The following IGF2BP3 variants were observed in gnomAD, a reference collection of about 807,000 sequenced individuals.
IGF2BP3 encodes the protein insulin-like growth factor 2 mRNA-binding protein 3.
IGF2BP3 carries 9 observed loss-of-function variants against 73.8 expected under a neutral mutation model. The ratio of observed to expected loss-of-function variants is 0.12; its 90% CI spans 0.07 to 0.21. The LOEUF (loss-of-function observed/expected upper bound fraction) is 0.21. Ranked by LOEUF, IGF2BP3 falls within the 10% of genes least tolerant of loss-of-function variation. IGF2BP3 has a pLI of 1.00. For synonymous variants in IGF2BP3, 258 were observed against 256.7 expected (o/e 1.01, Z -0.05); for missense variants, 542 against 714.0 (o/e 0.76, Z 2.75).
chr7:23,464,305 C>G (rs1451874567), intron 2 of IGF2BP3, among the ~76,000 whole-genome samples: 1 of 152,210 alleles, frequency 6.6e-6, no homozygotes, highest in Non-Finnish European at 1.5e-5. Context: ...AAACACAAGA[C>G]TAATATGGAA....
chr7:23,418,654 TAGG>T (rs1374158565), intron 3 of IGF2BP3, 119 bp downstream of exon 3: 4 of 636,546 alleles, frequency 6.3e-6, no homozygotes, highest in Non-Finnish European at 1.1e-5. Flanking sequence ...GCACGGGTCA[TAGG>T]AGAAGAATTT....
chr7:23,359,497 T>A (rs1051927494), intron 5 of IGF2BP3, among the ~76,000 whole-genome samples: 2 of 152,194 alleles, frequency 1.3e-5, no homozygotes, highest in African/African-American at 4.8e-5. Flanking sequence ...TATCACATCA[T>A]CCTATATTTT....
chr7:23,340,494 C>G (rs1010363963), intron 10 of IGF2BP3, among the ~76,000 whole-genome samples: 1 of 152,160 alleles, frequency 6.6e-6, no homozygotes, highest in Non-Finnish European at 1.5e-5. Context: ...TCATTTTACT[C>G]TACATATTTA....
chr7:23,318,946 T>A (rs998838123), intron 11 of IGF2BP3, among the ~76,000 whole-genome samples, 192 bp downstream of exon 11: 2 of 152,222 alleles, frequency 1.3e-5, no homozygotes, highest in African/African-American at 4.8e-5. Flanking sequence ...GATGTTCACC[T>A]CCTAACTGTG....
At chr7:23,351,125 G>T (rs190430147) in intron 6 of IGF2BP3, among the ~76,000 whole-genome samples, 180 bp downstream of exon 6, 31 of 152,210 alleles carry the variant, frequency 2.0e-4, no homozygotes, top group African/African-American at 7.5e-4. Flanking sequence ...ATGAGGATTA[G>T]CTCCAGATTT....
At chr7:23,453,775 C>T (rs1394244694) in intron 2 of IGF2BP3, among the ~76,000 whole-genome samples, 1 of 152,190 alleles carries the variant, frequency 6.6e-6, no homozygotes, top group Non-Finnish European at 1.5e-5. Flanking sequence ...TTTCTCCAAC[C>T]TCATAGGCAG....
rs564304436 is a variant in IGF2BP3, at chr7:23,378,054, T to C, written c.286-16313A>G. On this transcript the variant is annotated intron_variant, in intron 3 of 14. Transcript: ENST00000258729. ...GTGATACTTCCAAACCTTTAGACTATACTAAAAACCACTGAATTGTATGCT... is the reference window on the plus strand; with the variant it reads ...GTGATACTTCCAAACCTTTAGACTACACTAAAAACCACTGAATTGTATGCT... Among the ~76,000 whole-genome samples the C allele has an allele frequency of 5.3e-5, 8 of 152,336 alleles. No homozygotes were observed. In the South Asian group the frequency reaches 1.4e-3, roughly 28 times the overall value.
chr7:23,314,180 AC>A (rs1783910762), intron 12 of IGF2BP3, among the ~76,000 whole-genome samples: 1 of 143,354 alleles, frequency 7.0e-6, no homozygotes, highest in African/African-American at 2.6e-5. Flanking sequence ...ACCACACCTG[AC>A]TTATTTTTTT....
intron 10 of IGF2BP3, among the ~76,000 whole-genome samples, chr7:23,335,825 C>A (rs565988284): frequency 6.6e-6 from 1 of 152,330 alleles, no homozygotes; most frequent in South Asian, 2.1e-4. Context: ...CTCTGCTTCA[C>A]TAGCTGCCAA....
chr7:23,312,127 C>CT lies in IGF2BP3; in HGVS notation c.*234dup. Reference sequence around the variant, plus strand: ...CTTCTCTTTCCCTCCCTCCCCCACCCTTTTTTTGTTTGTTTGTTTGTTTGT... The same window carrying CT: ...CTTCTCTTTCCCTCCCTCCCCCACCCTTTTTTTTGTTTGTTTGTTTGTTTGT... On this transcript the variant is annotated 3_prime_UTR_variant, in exon 15 of 15. Coordinates refer to ENST00000258729, the MANE Select transcript of IGF2BP3 (RefSeq NM_006547.3). 1 of 450,704 alleles carries CT rather than the reference C, an allele frequency of 2.2e-6. No homozygotes were observed. 27.9% of individuals were successfully genotyped at this position (450,704 alleles called of 1,614,324 possible). A position where few individuals can be genotyped will look rare whatever the true frequency, so the allele number is the denominator to read the frequency against.
At chr7:23,331,729 G>A (rs184505889) in intron 10 of IGF2BP3, among the ~76,000 whole-genome samples, 20 of 152,034 alleles carry the variant, frequency 1.3e-4, no homozygotes, top group Non-Finnish European at 2.5e-4. Context: ...GCGTGGTGGC[G>A]TGTGCCTGTA....
chr7:23,320,369 T>C (rs1784103303), intron 10 of IGF2BP3, among the ~76,000 whole-genome samples: 1 of 152,142 alleles, frequency 6.6e-6, no homozygotes, highest in Non-Finnish European at 1.5e-5. Flanking sequence ...AAATAGTCCT[T>C]GCAGGGATAA....
intron 2 of IGF2BP3, among the ~76,000 whole-genome samples, chr7:23,462,865 A>G (rs1220562663): frequency 1.3e-5 from 2 of 152,242 alleles, no homozygotes; most frequent in African/African-American, 4.8e-5. Context: ...ACCATGATAC[A>G]TTACACCCTT....
intron 2 of IGF2BP3, among the ~76,000 whole-genome samples, chr7:23,435,394 G>A (rs1164921918): frequency 6.9e-6 from 1 of 145,182 alleles, no homozygotes; most frequent in African/African-American, 2.5e-5. Flanking sequence ...ATACACCACA[G>A]AAACACTGTC....
chr7:23,353,415 A>T (rs1785015503), intron 5 of IGF2BP3, among the ~76,000 whole-genome samples: 1 of 152,170 alleles, frequency 6.6e-6, no homozygotes, highest in Non-Finnish European at 1.5e-5. Flanking sequence ...TTCTCACTTC[A>T]GTCTTCTATC....
chr7:23,413,534 C>T (rs1460526097), intron 3 of IGF2BP3: 1 of 152,094 alleles, frequency 6.6e-6, no homozygotes, highest in Non-Finnish European at 1.5e-5. Context: ...AAAATGGAGC[C>T]CACTTGAGAA....
chr7:23,412,519 G>A (rs1039880593), intron 3 of IGF2BP3, among the ~76,000 whole-genome samples: 3 of 152,194 alleles, frequency 2.0e-5, no homozygotes, highest in African/African-American at 4.8e-5. Context: ...AGTCATTCCA[G>A]TCATGAGTGA....
intron 9 of IGF2BP3, 143 bp downstream of exon 9, chr7:23,343,575 C>G: frequency 1.4e-6 from 1 of 731,252 alleles, no homozygotes; most frequent in Non-Finnish European, 2.3e-6. Context: ...CCCTACTATC[C>G]CAGGGTACTT....
At position 23,444,742 on chromosome 7, in the gene IGF2BP3, CAAAAAAAAAAA is replaced by C. The variant is rs56029431; in HGVS notation, c.236+23729_236+23739del. ...TGGGTGACAGAGCAAGACTCTGTCT[CAAAAAAAAAAA>C]AAAAAAAAAAAATTGCTTTTTAAAA... On this transcript the variant is annotated intron_variant, in intron 2 of 14. Coordinates refer to ENST00000258729, the MANE Select transcript of IGF2BP3 (RefSeq NM_006547.3). Among the ~76,000 whole-genome samples the C allele has an allele frequency of 8.4e-5, 7 of 82,890 alleles. No homozygotes were observed. The Admixed American group carries it at 8.5e-4, about 10-fold the overall frequency. 54.4% of individuals were successfully genotyped at this position (82,890 alleles called of 152,430 possible).
Sources: allele counts gnomAD v4.1 joint callset (sites outside exome capture counted in the v4.1 genomes callset), GRCh38; gene constraint gnomAD v4.1.1; transcripts MANE v1.5; gene names NCBI Gene and HGNC (gene_info 2026-07-23, HGNC 2026-07-21).